The following PDE10A variants were observed in gnomAD, a reference collection of about 807,000 sequenced individuals.
PDE10A encodes the protein phosphodiesterase 10A.
Under a neutral mutation model 97.7 loss-of-function variants are expected in PDE10A, and 39 were observed. That is an observed-to-expected ratio of 0.40 (90% confidence interval 0.31 to 0.52). The LOEUF (loss-of-function observed/expected upper bound fraction) is 0.52, where lower values mean the gene tolerates loss of function less well. Among genes scored for constraint, PDE10A ranks in the 20% least tolerant of loss-of-function variants. The pLI is 0.56. For missense variants in PDE10A, 731 were observed against 1,047.8 expected (o/e 0.70, Z 4.17); for synonymous variants, 371 against 376.8 (o/e 0.98, Z 0.18).
intron 1 of PDE10A, among the ~76,000 whole-genome samples, chr6:165,906,211 C>A (rs1195290300): frequency 6.7e-6 from 1 of 150,298 alleles, no homozygotes; most frequent in African/African-American, 2.5e-5. Context: ...CACGTAAGAC[C>A]CTTCTTTGTC....
intron 2 of PDE10A, among the ~76,000 whole-genome samples, chr6:165,485,371 G>C (rs371064795): frequency 1.5e-4 from 23 of 151,354 alleles, no homozygotes; most frequent in Admixed American, 1.4e-3. Flanking sequence ...TGGAGGCTGA[G>C]GCAGGAGAAT....
rs550857611 is a variant in PDE10A at position 165,743,219 on chromosome 6, A to G, written c.-614-199651T>C. ...AATTATTACATAAATGTTCCCAGATATGCCACTTTTTAAAACCTTTCTATT... is the reference window on the plus strand; with the variant it reads ...AATTATTACATAAATGTTCCCAGATGTGCCACTTTTTAAAACCTTTCTATT... On this transcript the variant is annotated intron_variant, in intron 1 of 19. Coordinates refer to the PDE10A transcript ENST00000366882. 7.2e-5 allele frequency among the ~76,000 whole-genome samples: 11 copies of G among 152,342 alleles called. No homozygotes were observed. The East Asian group carries it at 2.1e-3, about 29-fold the overall frequency.
At position 165,431,452 on chromosome 6, in the gene PDE10A, G is replaced by A. The variant is rs1467186923; in HGVS notation, c.1512C>T (p.Ala504=). The A allele has an allele frequency of 6.3e-7, 1 of 1,597,782 alleles. No homozygotes were observed. The highest frequency in any genetic ancestry group is 8.5e-7 in the Non-Finnish European group (1 of 1,170,822). ...CCTGATGTATTGCTACTGAAGCCCA[G>A]GCAAGATTTGCTGTTGCAACCTAAA... ...SHQEVATANL[A]WASVAIHQVQ... The change falls in exon 8 of 22, where the codon GCC becomes GCT. Residue 504 remains alanine (A), a synonymous_variant. Coordinates refer to ENST00000539869, the MANE Select transcript of PDE10A (RefSeq NM_001385079.1).
At chr6:165,825,920 CT>C (rs1054241567) in intron 1 of PDE10A, among the ~76,000 whole-genome samples, 4 of 152,174 alleles carry the variant, frequency 2.6e-5, no homozygotes, top group Non-Finnish European at 5.9e-5. Flanking sequence ...GAGAAACTCC[CT>C]TTTTTTTCTC....
At chr6:165,718,070 C>A (rs1174004086) in intron 1 of PDE10A, among the ~76,000 whole-genome samples, 1 of 152,138 alleles carries the variant, frequency 6.6e-6, no homozygotes, top group African/African-American at 2.4e-5. Flanking sequence ...TTGATTGTGT[C>A]CTTTGATGCA....
At position 165,432,643 on chromosome 6, in the gene PDE10A, AT is replaced by A. The variant is rs1562461519; in HGVS notation, c.1491+330del. On this transcript the variant is annotated intron_variant, in intron 7 of 21. Coordinates refer to ENST00000539869, the MANE Select transcript of PDE10A (RefSeq NM_001385079.1). Reference sequence around the variant, plus strand: ...GCAGGACACAAGCTAAGAAAAAGACATTTTAAAGAAGACATAAAGACAACCA... The same window carrying A: ...GCAGGACACAAGCTAAGAAAAAGACATTTAAAGAAGACATAAAGACAACCA... 2.0e-5 allele frequency among the ~76,000 whole-genome samples: 3 copies of A among 152,232 alleles called. 1 individual carries two copies.
chr6:165,691,539 A>G (rs1791296775), intron 1 of PDE10A, among the ~76,000 whole-genome samples: 2 of 151,048 alleles, frequency 1.3e-5, no homozygotes, highest in African/African-American at 2.4e-5. Context: ...CATCTTCATC[A>G]TTAAGTGATG....
At chr6:165,832,711 A>G (rs1704760808) in intron 1 of PDE10A, among the ~76,000 whole-genome samples, 1 of 152,214 alleles carries the variant, frequency 6.6e-6, no homozygotes, top group Non-Finnish European at 1.5e-5. Context: ...TAAAAATGTC[A>G]CTGGCAATGA....
chr6:165,667,636 GTTTC>G (rs923861696), upstream of PDE10A, among the ~76,000 whole-genome samples: 11 of 147,196 alleles, frequency 7.5e-5, no homozygotes, highest in Admixed American at 1.3e-4. Context: ...GGTTATGTGT[GTTTC>G]TTTTTTTTTT....
intron 1 of PDE10A, among the ~76,000 whole-genome samples, chr6:165,851,632 A>T (rs1382426036): frequency 1.3e-5 from 2 of 152,208 alleles, no homozygotes; most frequent in African/African-American, 2.4e-5. Context: ...GGAAAGCTTC[A>T]TCATGCAGGA....
intron 1 of PDE10A, among the ~76,000 whole-genome samples, chr6:165,610,485 C>T (rs368310565): frequency 3.4e-5 from 5 of 149,192 alleles, no homozygotes; most frequent in Non-Finnish European, 5.9e-5. Context: ...GAGCTGAGAT[C>T]GCGCCACTGC....
chr6:165,650,512 A>C (rs1308368239), intron 1 of PDE10A, among the ~76,000 whole-genome samples: 3 of 152,068 alleles, frequency 2.0e-5, no homozygotes, highest in Non-Finnish European at 4.4e-5. Flanking sequence ...GTGTGTGTGT[A>C]TGTTGTTTAC....
intron 10 of PDE10A, among the ~76,000 whole-genome samples, chr6:165,419,033 A>C (rs990534504): frequency 2.0e-5 from 3 of 152,204 alleles, no homozygotes; most frequent in Admixed American, 1.3e-4. Flanking sequence ...GCTGGAGGGA[A>C]GCATATCAGT....
intron 1 of PDE10A, chr6:165,781,186 T>C (rs986513047): frequency 3.3e-5 from 5 of 152,282 alleles, no homozygotes; most frequent in African/African-American, 1.2e-4. Flanking sequence ...TTCTCTGCCA[T>C]GTTATGACGC....
At chr6:165,501,530 G>A (rs1032794649) in intron 2 of PDE10A, among the ~76,000 whole-genome samples, 11 of 150,626 alleles carry the variant, frequency 7.3e-5, no homozygotes, top group African/African-American at 2.5e-4. Context: ...CAGAGATCGC[G>A]CCACTGCACT....
intron 3 of PDE10A, among the ~76,000 whole-genome samples, chr6:165,463,947 C>A (rs1778481685): frequency 6.6e-6 from 1 of 152,236 alleles, no homozygotes; most frequent in Non-Finnish European, 1.5e-5. Context: ...TTAGGTCCAT[C>A]CCTTCGTTTC....
At chr6:165,406,299 T>C (rs143493752) in intron 13 of PDE10A, among the ~76,000 whole-genome samples, 6 of 149,136 alleles carry the variant, frequency 4.0e-5, no homozygotes, top group East Asian at 2.0e-4. Context: ...CAGGAGATAG[T>C]TGAATTTTAG....
intron 1 of PDE10A, among the ~76,000 whole-genome samples, chr6:165,812,141 C>T (rs1328788198): frequency 1.3e-5 from 2 of 151,964 alleles, no homozygotes; most frequent in Non-Finnish European, 2.9e-5. Flanking sequence ...CGTGAGCCAC[C>T]CACCTAGCCA....
intron 10 of PDE10A, among the ~76,000 whole-genome samples, chr6:165,421,245 C>A (rs1788672501): frequency 6.6e-6 from 1 of 152,062 alleles, no homozygotes; most frequent in Non-Finnish European, 1.5e-5. Context: ...AGTTTGAGAC[C>A]AGCCTAGGCA....
Sources: gnomAD v4.1 joint callset for allele counts (sites outside exome capture counted in the v4.1 genomes callset) on GRCh38, gnomAD v4.1.1 for gene constraint, MANE v1.5 for transcripts, NCBI Gene and HGNC (gene_info 2026-07-23, HGNC 2026-07-21) for gene names.